Variants in C1QTNF3 observed in about 807,000 individuals in gnomAD.
C1QTNF3 encodes complement C1q tumor necrosis factor-related protein 3.
In C1QTNF3, 26 loss-of-function variants were observed where a neutral mutation model predicts 32.6. The observed-to-expected ratio is 0.80, with a 90% CI of 0.58 to 1.11. The LOEUF (loss-of-function observed/expected upper bound fraction) is 1.11. Ranked by LOEUF, C1QTNF3 falls within the 50% of genes least tolerant of loss-of-function variation. The pLI is 0.00. For missense variants in C1QTNF3, 362 were observed against 398.2 expected (o/e 0.91, Z 0.77); for synonymous variants, 155 against 146.0 (o/e 1.06, Z -0.44).
chr5:34,071,178 T>C, the C1QTNF3 span, among the ~76,000 whole-genome samples: 1 of 152,208 alleles, frequency 6.6e-6, no homozygotes, highest in African/African-American at 2.4e-5. Context: ...ATTATGCAGC[T>C]TGTAATCAAA....
the C1QTNF3 span, among the ~76,000 whole-genome samples, chr5:34,051,497 A>C: frequency 6.6e-6 from 1 of 152,248 alleles, no homozygotes; most frequent in Non-Finnish European, 1.5e-5. Flanking sequence ...TCCTTGGTAG[A>C]ATAAGTAAAC....
At chr5:34,212,089 A>C in the C1QTNF3 span, among the ~76,000 whole-genome samples, 1 of 152,026 alleles carries the variant, frequency 6.6e-6, no homozygotes, top group Non-Finnish European at 1.5e-5. Context: ...GAGCCCTCAG[A>C]AATAACGCCA....
the C1QTNF3 span, among the ~76,000 whole-genome samples, chr5:34,209,727 T>C: frequency 1.3e-5 from 2 of 152,084 alleles, no homozygotes; most frequent in Admixed American, 6.6e-5. Flanking sequence ...TTCCGGATCA[T>C]ATATATAGTT....
chr5:34,196,235 C>T, the C1QTNF3 span, among the ~76,000 whole-genome samples: 2 of 152,134 alleles, frequency 1.3e-5, no homozygotes, highest in Non-Finnish European at 2.9e-5. Flanking sequence ...CAACCTCCGC[C>T]TCCCAGGTTC....
At chr5:34,118,082 T>G in the C1QTNF3 span, among the ~76,000 whole-genome samples, 1 of 152,162 alleles carries the variant, frequency 6.6e-6, no homozygotes, top group Non-Finnish European at 1.5e-5. Context: ...TTTTATCATG[T>G]GATTCTTTTT....
the C1QTNF3 span, among the ~76,000 whole-genome samples, chr5:34,052,243 T>C: frequency 6.6e-6 from 1 of 152,242 alleles, no homozygotes; most frequent in Non-Finnish European, 1.5e-5. Flanking sequence ...TCCCACTCGA[T>C]AGACATCCTT....
chr5:34,108,071 A>C, the C1QTNF3 span, among the ~76,000 whole-genome samples: 38 of 152,284 alleles, frequency 2.5e-4, no homozygotes, highest in South Asian at 7.9e-3. Context: ...GAGTTTTATG[A>C]GCCCCCCCTC....
the C1QTNF3 span, among the ~76,000 whole-genome samples, chr5:34,110,525 G>GT: frequency 6.6e-6 from 1 of 150,502 alleles, no homozygotes; most frequent in Admixed American, 6.6e-5. Context: ...AGTTTCCTAC[G>GT]TATCATTAAT....
the C1QTNF3 span, among the ~76,000 whole-genome samples, chr5:34,140,868 C>A: frequency 6.2e-4 from 94 of 152,170 alleles, no homozygotes; most frequent in East Asian, 5.4e-3. Context: ...CTAAAGAAAA[C>A]AAAACAAATA....
chr5:34,174,724 C>T, the C1QTNF3 span, among the ~76,000 whole-genome samples: 1 of 152,126 alleles, frequency 6.6e-6, no homozygotes, highest in East Asian at 1.9e-4. Context: ...TACGTGAGAG[C>T]ACAGATCTTA....
intron 1 of C1QTNF3, among the ~76,000 whole-genome samples, chr5:34,038,708 T>A (rs148665203): frequency 9.6e-4 from 146 of 152,284 alleles, no homozygotes; most frequent in African/African-American, 3.4e-3. Flanking sequence ...CAGACAGGCT[T>A]TTTTTCTATT....
At chr5:34,039,230 CA>C (rs1361318945) in intron 1 of C1QTNF3, among the ~76,000 whole-genome samples, 1 of 152,124 alleles carries the variant, frequency 6.6e-6, no homozygotes, top group Admixed American at 6.5e-5. Context: ...AGGGAAGAAT[CA>C]AGGGAGAAGT....
the C1QTNF3 span, among the ~76,000 whole-genome samples, chr5:34,169,934 C>T: frequency 6.6e-6 from 1 of 152,262 alleles, no homozygotes; most frequent in South Asian, 2.1e-4. Flanking sequence ...TTTCTAGATA[C>T]ATATCCAAAA....
rs745922462 is a variant in C1QTNF3 at position 34,020,723 on chromosome 5, A to T, written c.820T>A (p.Ser274Thr). The change falls in exon 6 of 6, where the codon TCA becomes ACA. Residue 274 changes from serine to threonine, a missense_variant. Coordinates refer to ENST00000382065, the MANE Select transcript of C1QTNF3 (RefSeq NM_181435.6). The stretch of plus-strand genomic sequence containing the variant: ...ACAGCATGATTGCTGGATGTATCTG[A>T]TTTGCCCTTCATTTCATAGCTGGAA... The part of the protein sequence containing the change: ...SMYSYEMKGK[S>T]DTSSNHAVLK... 1 of 1,612,972 alleles carries T rather than the reference A, an allele frequency of 6.2e-7. No individual in the cohort carries two copies. Among genetic ancestry groups the T allele is most frequent in the South Asian group, 1.1e-5 (1 of 90,896 alleles).
At chr5:34,178,322 T>G in the C1QTNF3 span, among the ~76,000 whole-genome samples, 3 of 152,120 alleles carry the variant, frequency 2.0e-5, no homozygotes, top group Non-Finnish European at 4.4e-5. Flanking sequence ...TCAAAGAGAA[T>G]GAACAAGGGT....
chr5:34,115,336 A>G, the C1QTNF3 span, among the ~76,000 whole-genome samples: 47 of 152,298 alleles, frequency 3.1e-4, no homozygotes, highest in East Asian at 2.9e-3. Context: ...TGCTAAGTAT[A>G]TGCTTGGTGA....
chr5:34,095,149 T>C, the C1QTNF3 span, among the ~76,000 whole-genome samples: 44 of 152,104 alleles, frequency 2.9e-4, no homozygotes, highest in African/African-American at 9.6e-4. Context: ...TTGTGAACTA[T>C]AGTCACTCTA....
the C1QTNF3 span, among the ~76,000 whole-genome samples, chr5:34,073,895 C>T: frequency 3.3e-5 from 5 of 152,060 alleles, no homozygotes; most frequent in Non-Finnish European, 2.9e-5. Flanking sequence ...CAAGTGAAAT[C>T]GTATGCTTCA....
the C1QTNF3 span, among the ~76,000 whole-genome samples, chr5:34,087,938 G>C: frequency 6.6e-6 from 1 of 152,172 alleles, no homozygotes; most frequent in Non-Finnish European, 1.5e-5. Context: ...CCTGTAATAT[G>C]AAACCAATTA....
Sources: gnomAD v4.1 joint callset for allele counts (sites outside exome capture counted in the v4.1 genomes callset) on GRCh38, gnomAD v4.1.1 for gene constraint, MANE v1.5 for transcripts, NCBI Gene and HGNC (gene_info 2026-07-23, HGNC 2026-07-21) for gene names.